The following INVS variants were observed in gnomAD, a reference collection of about 807,000 sequenced individuals.
The protein encoded by INVS is inversin, also known as inversion of embryo turning homolog.
Under a neutral mutation model 108.8 loss-of-function variants are expected in INVS, and 86 were observed. That is an observed-to-expected ratio of 0.79 (90% CI 0.66 to 0.95). INVS has a LOEUF of 0.95. Ranked by LOEUF, INVS falls within the 40% of genes least tolerant of loss-of-function variation. The pLI is 0.00. For synonymous variants in INVS, 455 were observed against 473.5 expected (o/e 0.96, Z 0.51); for missense variants, 1,169 against 1,297.4 (o/e 0.90, Z 1.52).
chr9:100,281,782 C>T (rs1833287028), intron 12 of INVS, among the ~76,000 whole-genome samples: 1 of 150,734 alleles, frequency 6.6e-6, no homozygotes. Flanking sequence ...CCAAAGCCCT[C>T]TTGCTTTCTG....
intron 4 of INVS, among the ~76,000 whole-genome samples, chr9:100,229,088 T>C (rs916880253): frequency 3.3e-5 from 5 of 152,228 alleles, no homozygotes; most frequent in South Asian, 2.1e-4. Flanking sequence ...GTTTCACAGA[T>C]AGATTTGTTC....
chr9:100,203,723 G>A (rs904242608), intron 3 of INVS, among the ~76,000 whole-genome samples: 2 of 151,758 alleles, frequency 1.3e-5, no homozygotes, highest in Non-Finnish European at 2.9e-5. Flanking sequence ...GATTGGTCTC[G>A]AACTCCTGAC....
At chr9:100,110,136 T>C (rs1437127508) in intron 2 of INVS, among the ~76,000 whole-genome samples, 1 of 152,230 alleles carries the variant, frequency 6.6e-6, no homozygotes, top group Non-Finnish European at 1.5e-5. Flanking sequence ...GCAAATGTGT[T>C]TATAAATATA....
At chr9:100,265,078 G>C (rs1187092309) in intron 11 of INVS, 150 bp downstream of exon 11, 18 of 663,276 alleles carry the variant, frequency 2.7e-5, no homozygotes, top group Middle Eastern at 2.9e-4. Flanking sequence ...GAGTACCTGG[G>C]ATTACAGGCA....
At chr9:100,252,729 T>A (rs1258975044) in intron 9 of INVS, among the ~76,000 whole-genome samples, 178 bp from the exon 10 acceptor site, 1 of 152,198 alleles carries the variant, frequency 6.6e-6, no homozygotes, top group African/African-American at 2.4e-5. Context: ...AAATCTGATG[T>A]AGACAACGTA....
At chr9:100,198,290 TTTTTTTTTTTTTTTTTTTTTTTTTTG>T in intron 3 of INVS, among the ~76,000 whole-genome samples, 2 of 68,130 alleles carry the variant, frequency 2.9e-5, no homozygotes, top group Non-Finnish European at 3.3e-5. Context: ...TTTTTTTTTT[TTTTTTTTTTTTTTTTTTTTTTTTTTG>T]GAGACAGTTT....
chr9:100,118,691 A>G (rs994783168), intron 2 of INVS, among the ~76,000 whole-genome samples: 1 of 146,584 alleles, frequency 6.8e-6, no homozygotes, highest in Non-Finnish European at 1.5e-5. Flanking sequence ...TATATTATTC[A>G]CTCCTGTTGC....
Position 100,226,084 on chromosome 9 carries a change from TCTTA to T in INVS, c.302_305del (p.Leu101HisfsTer14), listed in dbSNP as rs768677542. The T allele has an allele frequency of 1.2e-6, 2 of 1,613,358 alleles. No homozygotes were observed. Among genetic ancestry groups the T allele is most frequent in the Non-Finnish European group, 1.7e-6 (2 of 1,179,636 alleles). Reference sequence around the variant, plus strand: ...TAGGGAAATTATCGTTTCATGAAACTCTTACTTACACGCAGAGCAAACTGGATGC... The same window carrying T: ...TAGGGAAATTATCGTTTCATGAAACTCTTACACGCAGAGCAAACTGGATGC... On this transcript the variant is annotated frameshift_variant, in exon 4 of 17. Transcript: ENST00000262457. LOFTEE classifies it high-confidence loss of function.
intron 3 of INVS, chr9:100,175,411 T>A: frequency 1.1e-6 from 1 of 892,178 alleles, no homozygotes; most frequent in Non-Finnish European, 1.9e-6. Flanking sequence ...GAAGACAAAG[T>A]CCTGGTCAAG....
intron 3 of INVS, among the ~76,000 whole-genome samples, chr9:100,155,885 T>C (rs755620724): frequency 5.1e-4 from 78 of 152,216 alleles, no homozygotes; most frequent in Non-Finnish European, 4.8e-4. Flanking sequence ...ATATAAACTA[T>C]TGATATATGT....
intron 3 of INVS, among the ~76,000 whole-genome samples, chr9:100,147,998 A>G (rs1219230227): frequency 6.7e-6 from 1 of 149,940 alleles, no homozygotes; most frequent in Non-Finnish European, 1.5e-5. Context: ...AGTCTGGGCA[A>G]CAAAGCAAGA....
intron 3 of INVS, among the ~76,000 whole-genome samples, chr9:100,201,964 T>C (rs1830544677): frequency 6.6e-6 from 1 of 152,194 alleles, no homozygotes; most frequent in South Asian, 2.1e-4. Context: ...GAGTGTCCCA[T>C]ACAAGCAAGT....
intron 12 of INVS, among the ~76,000 whole-genome samples, chr9:100,281,857 C>G (rs1262389006): frequency 6.6e-6 from 1 of 151,884 alleles, no homozygotes; most frequent in Non-Finnish European, 1.5e-5. Flanking sequence ...TGTTGAAGGC[C>G]CAGAAAGGTT....
chr9:100,276,602 G>A (rs796320461), intron 12 of INVS, among the ~76,000 whole-genome samples: 39 of 152,176 alleles, frequency 2.6e-4, no homozygotes, highest in African/African-American at 8.9e-4. Flanking sequence ...TCCACCTCCT[G>A]GGTTCAAGCC....
chr9:100,252,956 T>C lies in INVS; in HGVS notation c.1284T>C (p.His428=), dbSNP rs77465715. The C allele has an allele frequency of 6.5e-4, 1,044 of 1,613,976 alleles. 6 individuals carry two copies. In the African/African-American group the frequency reaches 0.012, roughly 19 times the overall value. The change falls in exon 10 of 17, where the codon CAT becomes CAC. Residue 428 remains histidine, a synonymous_variant. Coordinates refer to ENST00000262457, the MANE Select transcript of INVS (RefSeq NM_014425.5). ...ACCAAGATGGACATTCTCTTCTACATTGGGCAGCACTGGGAGGAAATGCTG... is the reference window on the plus strand; with the variant it reads ...ACCAAGATGGACATTCTCTTCTACACTGGGCAGCACTGGGAGGAAATGCTG... ...LVDQDGHSLL[H]WAALGGNADV... is the part of the protein sequence containing the mutation.
Position 100,264,926 on chromosome 9 carries a change from G to C in INVS, c.1569G>C (p.Glu523Asp), listed in dbSNP as rs374617150. Reference sequence around the variant, plus strand: ...CTAATCAGATGGAAAACAATGAAGAGAGGTAAGTTGTTGTTGACTTTTTTT... The same window carrying C: ...CTAATCAGATGGAAAACAATGAAGACAGGTAAGTTGTTGTTGACTTTTTTT... The part of the protein sequence containing the change: ...AFPNQMENNE[E>D]RYTPLDYALL... The change falls in exon 11 of 17, where the codon GAG becomes GAC. Residue 523 changes from glutamate (E) to aspartate (D), a missense_variant and splice_region_variant. Glu to Asp is a conservative substitution (Grantham distance 45). This residue lies in a region of INVS where 271 missense variants were observed against 363.8 expected (regional missense o/e 0.74). Coordinates refer to ENST00000262457, the MANE Select transcript of INVS (RefSeq NM_014425.5). The C allele has an allele frequency of 6.3e-7, 1 of 1,585,072 alleles. No homozygotes were observed. The highest frequency in any genetic ancestry group is 8.7e-7 in the Non-Finnish European group (1 of 1,153,912).
intron 10 of INVS, among the ~76,000 whole-genome samples, chr9:100,261,246 TATG>T (rs1345144396): frequency 6.6e-6 from 1 of 151,886 alleles, no homozygotes; most frequent in East Asian, 1.9e-4. Context: ...TCCATGTCTT[TATG>T]ATACTAGGAA....
At chr9:100,299,384 C>T (rs1287708197) in intron 16 of INVS, among the ~76,000 whole-genome samples, 1 of 152,040 alleles carries the variant, frequency 6.6e-6, no homozygotes, top group East Asian at 1.9e-4. Context: ...GCCTTTACCA[C>T]TTAAAAAGGA....
Position 100,244,364 on chromosome 9 carries a change from A to G in INVS, c.906+1685A>G, listed in dbSNP as rs143814538. Among the ~76,000 whole-genome samples, 837 of 152,316 alleles carry G rather than the reference A, an allele frequency of 5.5e-3. 29 individuals carry two copies. Among genetic ancestry groups the G allele is most frequent in the Admixed American group, 0.052 (803 of 15,298 alleles). ...CCATAAATCAACACAAGGCTATTAG[A>G]TAAGTCATGTTATCCCCTGTTTACA... On this transcript the variant is annotated intron_variant, in intron 7 of 16. Coordinates refer to ENST00000262457, the MANE Select transcript of INVS (RefSeq NM_014425.5).
Sources: allele counts gnomAD v4.1 joint callset (sites outside exome capture counted in the v4.1 genomes callset), GRCh38; gene constraint gnomAD v4.1.1; regional missense constraint gnomAD v4.1.1; transcripts MANE v1.5; gene names NCBI Gene and HGNC (gene_info 2026-07-23, HGNC 2026-07-21).